The following IP6K1 variants were observed in gnomAD, a reference collection of about 807,000 sequenced individuals.
IP6K1 encodes inositol hexakisphosphate kinase 1, also known as ATP:1D-myo-inositol-hexakisphosphate phosphotransferase.
In IP6K1, 13 loss-of-function variants were observed where a neutral mutation model predicts 38.3. The ratio of observed to expected loss-of-function variants is 0.34; its 90% confidence interval spans 0.22 to 0.54. The LOEUF (loss-of-function observed/expected upper bound fraction) is 0.54. IP6K1 is among the 20% of genes least tolerant of loss of function. The pLI is 0.92. For synonymous variants in IP6K1, 212 were observed against 229.9 expected (o/e 0.92, Z 0.70); for missense variants, 397 against 599.8 (o/e 0.66, Z 3.53).
chr3:49,764,920 C>T (rs1488323277), intron 1 of IP6K1, among the ~76,000 whole-genome samples: 1 of 146,610 alleles, frequency 6.8e-6, no homozygotes, highest in African/African-American at 2.5e-5. Flanking sequence ...ATAGGATAAA[C>T]TCAAAGAGAC....
intron 1 of IP6K1, among the ~76,000 whole-genome samples, chr3:49,749,924 GC>G (rs2080758087): frequency 6.8e-6 from 1 of 148,080 alleles, no homozygotes; most frequent in Admixed American, 6.8e-5. Context: ...AGGCAACTCT[GC>G]CCCAGGTAGT....
intron 1 of IP6K1, among the ~76,000 whole-genome samples, chr3:49,768,034 T>TAAAAAAAAAAAAAAA: frequency 8.2e-6 from 1 of 121,696 alleles, no homozygotes; most frequent in Non-Finnish European, 1.8e-5. Flanking sequence ...ATCCAAGTTA[T>TAAAAAAAAAAAAAAA]AAAAAAAAAA....
intron 3 of IP6K1, among the ~76,000 whole-genome samples, chr3:49,735,953 G>A (rs868425476): frequency 6.6e-6 from 1 of 152,136 alleles, no homozygotes; most frequent in South Asian, 2.1e-4. Context: ...TTTCACTCTT[G>A]TTGCCCAGGC....
chr3:49,737,903 A>G (rs571128762), intron 3 of IP6K1, among the ~76,000 whole-genome samples: 73 of 152,196 alleles, frequency 4.8e-4, no homozygotes, highest in Non-Finnish European at 7.5e-4. Context: ...ATGTATTTCA[A>G]CCTTCTGTCC....
In IP6K1 at chr3:49,731,887, C is replaced by CAAAAAAAAAAAAAAAAAAAAAAAAAAA. The variant is rs71080545; in HGVS notation, c.616+903_616+904insTTTTTTTTTTTTTTTTTTTTTTTTTTT. On this transcript the variant is annotated intron_variant, in intron 4 of 5. Transcript: ENST00000321599. ...TGGGTAACAGAGTGAGACTCTGTCT[C>CAAAAAAAAAAAAAAAAAAAAAAAAAAA]AAAAAAAAAAAAAAAAAAGGAATTC... is the stretch of plus-strand genomic sequence containing the variant. Among the ~76,000 whole-genome samples, 53 of 65,320 alleles carry CAAAAAAAAAAAAAAAAAAAAAAAAAAA rather than the reference C, an allele frequency of 8.1e-4. 4 individuals are homozygous for CAAAAAAAAAAAAAAAAAAAAAAAAAAA. The highest frequency in any genetic ancestry group is 1.1e-3 in the Non-Finnish European group (38 of 33,918). The allele number at this position is 65,320 out of a possible 152,430, so 42.9% of individuals were successfully genotyped here. A position where few individuals can be genotyped will look rare whatever the true frequency, so the allele number is the denominator to read the frequency against.
intron 1 of IP6K1, chr3:49,775,469 C>T (rs2080999119): frequency 1.8e-6 from 1 of 553,334 alleles, no homozygotes; most frequent in Non-Finnish European, 3.2e-6. Context: ...TCTGTGGAGG[C>T]CCTGGGGTCT....
At chr3:49,762,475 G>A (rs576765306) in intron 1 of IP6K1, among the ~76,000 whole-genome samples, 16 of 152,196 alleles carry the variant, frequency 1.1e-4, no homozygotes, top group Admixed American at 7.9e-4. Context: ...ACTTGAACCC[G>A]GGAGGCAGAG....
At chr3:49,736,323 C>G (rs572619281) in intron 3 of IP6K1, among the ~76,000 whole-genome samples, 2 of 152,106 alleles carry the variant, frequency 1.3e-5, no homozygotes, top group South Asian at 4.2e-4. Flanking sequence ...ATTTCATGAC[C>G]CCAAAATCAA....
intron 1 of IP6K1, among the ~76,000 whole-genome samples, chr3:49,752,166 G>A (rs1436116639): frequency 1.3e-5 from 2 of 151,918 alleles, no homozygotes; most frequent in Non-Finnish European, 2.9e-5. Flanking sequence ...CACCATGCCC[G>A]GCTAACTTAA....
intron 1 of IP6K1, among the ~76,000 whole-genome samples, chr3:49,752,666 G>C (rs1272411843): frequency 1.3e-5 from 2 of 151,838 alleles, no homozygotes; most frequent in African/African-American, 4.8e-5. Flanking sequence ...ATGTTGGCCA[G>C]ACTGGTCTTT....
At chr3:49,728,361 G>A in intron 4 of IP6K1, 83 bp from the exon 5 acceptor site, 2 of 1,390,448 alleles carry the variant, frequency 1.4e-6, no homozygotes, top group Non-Finnish European at 2.0e-6. Context: ...TCTATAAAAG[G>A]GGGCTTTTAC....
intron 3 of IP6K1, among the ~76,000 whole-genome samples, chr3:49,736,769 A>G (rs1406162001): frequency 9.0e-6 from 1 of 110,790 alleles, no homozygotes; most frequent in Non-Finnish European, 1.8e-5. Flanking sequence ...TTTTGGATTT[A>G]ATTTTTTTTT....
chr3:49,749,098 G>C (rs2080749243), intron 1 of IP6K1, among the ~76,000 whole-genome samples: 1 of 152,172 alleles, frequency 6.6e-6, no homozygotes, highest in South Asian at 2.1e-4. Context: ...GCAAGCAAGG[G>C]GAGCAGCTGT....
At chr3:49,761,175 C>A (rs1031959955) in intron 1 of IP6K1, among the ~76,000 whole-genome samples, 2 of 151,674 alleles carry the variant, frequency 1.3e-5, no homozygotes, top group Admixed American at 1.3e-4. Context: ...ATTAGCTGGG[C>A]ATGGTGGTGG....
chr3:49,734,747 A>C (rs543640357), intron 3 of IP6K1, among the ~76,000 whole-genome samples: 1 of 152,190 alleles, frequency 6.6e-6, no homozygotes, highest in African/African-American at 2.4e-5. Context: ...GGAAACAGAA[A>C]GGTTGACTTA....
chr3:49,733,368 A>T (rs1359902652), intron 3 of IP6K1, among the ~76,000 whole-genome samples: 1 of 152,136 alleles, frequency 6.6e-6, no homozygotes, highest in Non-Finnish European at 1.5e-5. Flanking sequence ...GTTTCTCAAA[A>T]AGTTAAACAT....
intron 1 of IP6K1, among the ~76,000 whole-genome samples, chr3:49,772,914 C>T (rs1227006954): frequency 6.6e-6 from 1 of 151,908 alleles, no homozygotes; most frequent in South Asian, 2.1e-4. Flanking sequence ...GCCTCCAACT[C>T]CTATGCTCAA....
intron 1 of IP6K1, among the ~76,000 whole-genome samples, chr3:49,773,554 T>C (rs1426836855): frequency 6.6e-6 from 1 of 152,112 alleles, no homozygotes; most frequent in East Asian, 1.9e-4. Flanking sequence ...GAGCCTGCAG[T>C]GAGCCAGTGA....
chr3:49,761,073 T>A (rs912892159), intron 1 of IP6K1, among the ~76,000 whole-genome samples: 7 of 152,048 alleles, frequency 4.6e-5, no homozygotes, highest in Non-Finnish European at 8.8e-5. Context: ...CCCAGCACTT[T>A]GGGAGGCCGA....
Sources: allele counts gnomAD v4.1 joint callset (sites outside exome capture counted in the v4.1 genomes callset), GRCh38; gene constraint gnomAD v4.1.1; transcripts MANE v1.5; gene names NCBI Gene and HGNC (gene_info 2026-07-23, HGNC 2026-07-21).